The following SLC71A2 variants were observed in gnomAD, a reference collection of about 807,000 sequenced individuals.
The protein encoded by SLC71A2 is hippocampus abundant transcript-like 1.
chr9:94,434,130 G>A, the SLC71A2 span, among the ~76,000 whole-genome samples: 6 of 152,172 alleles, frequency 3.9e-5, no homozygotes, highest in South Asian at 8.3e-4. Context: ...ATAACAATTA[G>A]GGTAAAATTT....
the SLC71A2 span, chr9:94,441,173 G>C: frequency 2.7e-6 from 2 of 741,798 alleles, no homozygotes; most frequent in Non-Finnish European, 4.3e-6. Flanking sequence ...ACTGGAAAGT[G>C]AGTTTATTAG....
the SLC71A2 span, among the ~76,000 whole-genome samples, chr9:94,384,064 T>C: frequency 6.6e-6 from 1 of 152,210 alleles, no homozygotes; most frequent in Non-Finnish European, 1.5e-5. Flanking sequence ...TTCAGTAGTG[T>C]AAGTATATTC....
chr9:94,440,473 C>T, the SLC71A2 span, among the ~76,000 whole-genome samples: 1 of 151,768 alleles, frequency 6.6e-6, no homozygotes, highest in South Asian at 2.1e-4. Flanking sequence ...ATTTTTCTAT[C>T]CTGGAGTAAA....
At chr9:94,390,551 T>G in the SLC71A2 span, among the ~76,000 whole-genome samples, 1 of 151,746 alleles carries the variant, frequency 6.6e-6, no homozygotes, top group Non-Finnish European at 1.5e-5. Flanking sequence ...GGGGGAGGAT[T>G]AGTGAGCTCA....
chr9:94,417,806 T>A, the SLC71A2 span, among the ~76,000 whole-genome samples: 1 of 151,398 alleles, frequency 6.6e-6, no homozygotes, highest in South Asian at 2.1e-4. Context: ...CAAATATTTT[T>A]ACTGTCCCTT....
chr9:94,460,761 C>CAACT, the SLC71A2 span: 1 of 152,054 alleles, frequency 6.6e-6, no homozygotes, highest in Non-Finnish European at 1.5e-5. Flanking sequence ...AAAATATATA[C>CAACT]AACTTTTATA....
chr9:94,431,906 C>T, the SLC71A2 span, among the ~76,000 whole-genome samples: 1 of 152,200 alleles, frequency 6.6e-6, no homozygotes, highest in African/African-American at 2.4e-5. Context: ...GAGGCCAACC[C>T]ATGCCTTTGG....
chr9:94,419,978 T>A, the SLC71A2 span, among the ~76,000 whole-genome samples: 7 of 152,310 alleles, frequency 4.6e-5, no homozygotes, highest in East Asian at 1.4e-3. Flanking sequence ...AACTTTCAGC[T>A]CTCTACTAAT....
chr9:94,453,607 A>G, the SLC71A2 span, among the ~76,000 whole-genome samples: 8 of 152,358 alleles, frequency 5.3e-5, no homozygotes, highest in South Asian at 1.0e-3. Context: ...GGAGTTTGCT[A>G]TTCACAGATA....
At chr9:94,397,500 G>GA in the SLC71A2 span, among the ~76,000 whole-genome samples, 41 of 145,216 alleles carry the variant, frequency 2.8e-4, no homozygotes, top group Admixed American at 9.6e-4. Context: ...AAAAAAAAAG[G>GA]AAAAAAAAAA....
At chr9:94,456,014 A>G in the SLC71A2 span, among the ~76,000 whole-genome samples, 4 of 152,180 alleles carry the variant, frequency 2.6e-5, no homozygotes, top group African/African-American at 9.7e-5. Context: ...AAATCAAGAC[A>G]CAAAGGTTTC....
chr9:94,384,904 T>C, the SLC71A2 span, among the ~76,000 whole-genome samples: 4 of 152,120 alleles, frequency 2.6e-5, no homozygotes, highest in Admixed American at 2.6e-4. Context: ...CAGTGAGTTT[T>C]GTTATCCTGG....
At chr9:94,387,068 T>C in the SLC71A2 span, among the ~76,000 whole-genome samples, 1 of 152,156 alleles carries the variant, frequency 6.6e-6, no homozygotes, top group Non-Finnish European at 1.5e-5. Flanking sequence ...GTTTTCTACC[T>C]TTTCTTTCCT....
the SLC71A2 span, among the ~76,000 whole-genome samples, chr9:94,398,538 A>G: frequency 1.3e-5 from 2 of 152,166 alleles, no homozygotes; most frequent in Non-Finnish European, 2.9e-5. Flanking sequence ...TACTTAATCT[A>G]AATGGGTCCA....
the SLC71A2 span, among the ~76,000 whole-genome samples, chr9:94,382,666 C>T: frequency 6.7e-6 from 1 of 148,382 alleles, no homozygotes; most frequent in South Asian, 2.1e-4. Context: ...TCTATTTTTT[C>T]TTTTTTTTTT....
At chr9:94,385,969 A>G in the SLC71A2 span, among the ~76,000 whole-genome samples, 1 of 152,060 alleles carries the variant, frequency 6.6e-6, no homozygotes, top group Non-Finnish European at 1.5e-5. Flanking sequence ...GCTCACTGTA[A>G]TCTTAAACTC....
the SLC71A2 span, among the ~76,000 whole-genome samples, chr9:94,425,144 T>G: frequency 2.0e-5 from 3 of 151,578 alleles, no homozygotes; most frequent in African/African-American, 7.3e-5. Context: ...CGAAACCCCA[T>G]ATCTACTAAA....
the SLC71A2 span, among the ~76,000 whole-genome samples, chr9:94,411,237 T>C: frequency 1.3e-5 from 2 of 148,184 alleles, no homozygotes; most frequent in Non-Finnish European, 3.0e-5. Flanking sequence ...CTCCCCATAT[T>C]CATCACCCTA....
chr9:94,429,049 G>C, the SLC71A2 span: 2 of 1,301,050 alleles, frequency 1.5e-6, no homozygotes, highest in Non-Finnish European at 2.1e-6. Context: ...CAGTTTGTTT[G>C]TTTATTTTTT....
Sources: gnomAD v4.1 joint callset for allele counts (sites outside exome capture counted in the v4.1 genomes callset) on GRCh38, gnomAD v4.1.1 for gene constraint, MANE v1.5 for transcripts, NCBI Gene and HGNC (gene_info 2026-07-23, HGNC 2026-07-21) for gene names.